The following FAM83B variants were observed in gnomAD, a reference collection of about 807,000 sequenced individuals.
FAM83B encodes the protein protein FAM83B.
Under a neutral mutation model 38.8 loss-of-function variants are expected in FAM83B, and 26 were observed. The ratio of observed to expected loss-of-function variants is 0.67; its 90% confidence interval spans 0.49 to 0.93. FAM83B has a LOEUF of 0.93. Among genes scored for constraint, FAM83B ranks in the 40% least tolerant of loss-of-function variants. The pLI, the probability that FAM83B is intolerant of heterozygous loss-of-function variation, is 0.00. For synonymous variants in FAM83B, 419 were observed against 423.1 expected, an observed-to-expected ratio of 0.99 and a Z score of 0.12; for missense variants, 1,237 against 1,197.3, an observed-to-expected ratio of 1.03 and a Z score of -0.49.
chr6:54,940,662 C>T lies in FAM83B; in HGVS notation c.1691C>T (p.Ser564Leu), dbSNP rs1288973945. ...KEVNSCTTGS[S>L]NSTIIGSQGS... ...GTTAACAGTTGTACAACTGGCTCCT[C>T]AAATTCAACTATCATTGGTTCTCAG... The change falls in exon 5 of 5, where the codon TCA becomes TTA. Residue 564 changes from serine to leucine, a missense_variant. Ser to Leu is a moderately radical substitution (Grantham distance 145). Transcript: ENST00000306858. 6.2e-7 allele frequency: 1 copy of T among 1,614,054 alleles called. No individual in the cohort carries two copies. The highest frequency in any genetic ancestry group is 1.7e-5 in the Admixed American group (1 of 59,974).
intron 2 of FAM83B, among the ~76,000 whole-genome samples, chr6:54,889,376 A>C (rs1772350119): frequency 6.6e-6 from 1 of 152,076 alleles, no homozygotes; most frequent in Admixed American, 6.6e-5. Context: ...CATGATTTTA[A>C]CCATTATCCC....
chr6:54,858,050 C>A (rs1233359192), intron 1 of FAM83B, among the ~76,000 whole-genome samples: 1 of 152,108 alleles, frequency 6.6e-6, no homozygotes, highest in Non-Finnish European at 1.5e-5. Context: ...GAGAAGGGAG[C>A]AGTGAAGTCT....
chr6:54,878,968 T>C (rs1348570753), intron 2 of FAM83B, among the ~76,000 whole-genome samples: 1 of 152,112 alleles, frequency 6.6e-6, no homozygotes, highest in Non-Finnish European at 1.5e-5. Context: ...GGATGTGAAA[T>C]AGGTTGAACA....
intron 2 of FAM83B, among the ~76,000 whole-genome samples, chr6:54,922,916 A>C (rs1773202394): frequency 6.6e-6 from 1 of 151,392 alleles, no homozygotes; most frequent in Non-Finnish European, 1.5e-5. Flanking sequence ...GGTCTCTGTC[A>C]CTCTTTTCAA....
chr6:54,851,447 A>G (rs1178151854), intron 1 of FAM83B, among the ~76,000 whole-genome samples: 5 of 150,506 alleles, frequency 3.3e-5, no homozygotes, highest in Non-Finnish European at 7.4e-5. Flanking sequence ...CTACCTATTT[A>G]TTTACATTTT....
intron 2 of FAM83B, among the ~76,000 whole-genome samples, chr6:54,909,227 G>T (rs1772848688): frequency 6.6e-6 from 1 of 151,986 alleles, no homozygotes; most frequent in South Asian, 2.1e-4. Context: ...TGACCTTTAG[G>T]AGTCTTCTAG....
At chr6:54,854,930 C>T (rs181938355) in intron 1 of FAM83B, among the ~76,000 whole-genome samples, 13 of 152,240 alleles carry the variant, frequency 8.5e-5, no homozygotes, top group Admixed American at 8.5e-4. Context: ...CTTTTCTTCA[C>T]AATGGAACAC....
intron 2 of FAM83B, among the ~76,000 whole-genome samples, chr6:54,901,438 A>G (rs558333829): frequency 4.5e-4 from 69 of 152,324 alleles, no homozygotes; most frequent in African/African-American, 1.5e-3. Context: ...TATTTCTGAA[A>G]GCCATTATGT....
chr6:54,876,485 C>T (rs772973591), intron 2 of FAM83B, among the ~76,000 whole-genome samples: 22 of 151,128 alleles, frequency 1.5e-4, no homozygotes, highest in African/African-American at 5.1e-4. Flanking sequence ...TCACCACGCC[C>T]GGCTCATTTT....
At chr6:54,898,778 G>A (rs112260342) in intron 2 of FAM83B, among the ~76,000 whole-genome samples, 5,181 of 152,152 alleles carry the variant, frequency 0.034, 120 homozygotes, top group Middle Eastern at 0.095. Flanking sequence ...TATCAAATTG[G>A]TTCTATTTTC....
At chr6:54,912,116 T>A (rs1293853452) in intron 2 of FAM83B, among the ~76,000 whole-genome samples, 1 of 151,990 alleles carries the variant, frequency 6.6e-6, no homozygotes, top group Non-Finnish European at 1.5e-5. Context: ...GATATATTTA[T>A]ATGAAGCATA....
intron 2 of FAM83B, among the ~76,000 whole-genome samples, chr6:54,880,447 T>C (rs1339808644): frequency 6.9e-6 from 1 of 144,466 alleles, no homozygotes; most frequent in Admixed American, 6.9e-5. Flanking sequence ...GTTTCTTTTT[T>C]TTTTTTTTTT....
intron 2 of FAM83B, among the ~76,000 whole-genome samples, chr6:54,887,624 CTT>C (rs930625432): frequency 1.1e-4 from 16 of 151,966 alleles, no homozygotes; most frequent in African/African-American, 3.9e-4. Context: ...TTTTGAGACT[CTT>C]TTTAGGTACA....
At chr6:54,938,606 C>T (rs1199168435) in intron 4 of FAM83B, among the ~76,000 whole-genome samples, 2 of 152,082 alleles carry the variant, frequency 1.3e-5, no homozygotes, top group African/African-American at 4.8e-5. Flanking sequence ...ATTTGCATTT[C>T]CCAGATAATT....
chr6:54,936,987 A>T (rs772442018), intron 4 of FAM83B, among the ~76,000 whole-genome samples: 2 of 148,198 alleles, frequency 1.3e-5, no homozygotes, highest in African/African-American at 5.0e-5. Context: ...AGCATATCCA[A>T]ATAACAAGAT....
intron 3 of FAM83B, among the ~76,000 whole-genome samples, chr6:54,927,262 G>A (rs144315431): frequency 6.6e-6 from 1 of 152,082 alleles, no homozygotes; most frequent in South Asian, 2.1e-4. Context: ...GTTTTTTATA[G>A]TGAGAGGCTG....
At chr6:54,908,518 A>G (rs1772828132) in intron 2 of FAM83B, among the ~76,000 whole-genome samples, 1 of 152,090 alleles carries the variant, frequency 6.6e-6, no homozygotes, top group African/African-American at 2.4e-5. Flanking sequence ...TAATTTCTAA[A>G]TTAAAAATTT....
chr6:54,926,934 C>T (rs1321300229), intron 3 of FAM83B, among the ~76,000 whole-genome samples: 2 of 152,080 alleles, frequency 1.3e-5, no homozygotes, highest in Non-Finnish European at 1.5e-5. Flanking sequence ...GGGGTTTCAC[C>T]ATCTTGGCCA....
intron 2 of FAM83B, among the ~76,000 whole-genome samples, chr6:54,923,299 C>G (rs1773213523): frequency 1.3e-5 from 2 of 152,030 alleles, no homozygotes; most frequent in Admixed American, 1.3e-4. Flanking sequence ...ATTTCACTGC[C>G]TCTCACATTC....
Sources: allele counts gnomAD v4.1 joint callset (sites outside exome capture counted in the v4.1 genomes callset), GRCh38; gene constraint gnomAD v4.1.1; transcripts MANE v1.5; gene names NCBI Gene and HGNC (gene_info 2026-07-23, HGNC 2026-07-21).